MALT1: variants seen among roughly 807,000 people sequenced by gnomAD.
MALT1 encodes MALT1 paracaspase.
Under a neutral mutation model 85.5 loss-of-function variants are expected in MALT1, and 36 were observed. That is an observed-to-expected ratio of 0.42 (90% CI 0.32 to 0.56). MALT1 has a LOEUF of 0.56. Among genes scored for constraint, MALT1 ranks in the 20% least tolerant of loss-of-function variants. MALT1 has a pLI of 0.10. For missense variants in MALT1, 716 were observed against 981.6 expected, an observed-to-expected ratio of 0.73 and a Z score of 3.62; for synonymous variants, 359 against 361.3, an observed-to-expected ratio of 0.99 and a Z score of 0.07.
At chr18:58,707,108 T>G (rs1168538368) in intron 4 of MALT1, among the ~76,000 whole-genome samples, 1 of 152,138 alleles carries the variant, frequency 6.6e-6, no homozygotes, top group Non-Finnish European at 1.5e-5. Flanking sequence ...TTTTTTGGTG[T>G]GACCAGTTTG....
intron 2 of MALT1, among the ~76,000 whole-genome samples, chr18:58,684,131 C>G (rs2144317781): frequency 6.6e-6 from 1 of 152,230 alleles, no homozygotes; most frequent in African/African-American, 2.4e-5. Context: ...CGGGGTTTTG[C>G]CATGTTGCCC....
intron 4 of MALT1, among the ~76,000 whole-genome samples, chr18:58,707,361 C>CTTT (rs199919132): frequency 6.6e-5 from 9 of 136,962 alleles, no homozygotes; most frequent in African/African-American, 2.1e-4. Context: ...TTTTCTTTTT[C>CTTT]TTTTTTTTTT....
At chr18:58,711,394 A>G (rs935457326) in intron 7 of MALT1, among the ~76,000 whole-genome samples, 1 of 152,154 alleles carries the variant, frequency 6.6e-6, no homozygotes, top group Non-Finnish European at 1.5e-5. Flanking sequence ...GTTTCAGGAG[A>G]GGAGATTTAT....
At chr18:58,672,957 C>T (rs1055719319) in intron 1 of MALT1, 2 of 152,244 alleles carry the variant, frequency 1.3e-5, no homozygotes, top group African/African-American at 4.8e-5. Flanking sequence ...AGGAACTGCA[C>T]TAGGGGTTCC....
chr18:58,735,086 A>G, intron 12 of MALT1, 116 bp from the exon 13 acceptor site: 1 of 840,086 alleles, frequency 1.2e-6, no homozygotes, highest in Non-Finnish European at 1.8e-6. Context: ...GCCTCTGGTA[A>G]CCACCATTCT....
chr18:58,723,363 G>A, intron 10 of MALT1, 112 bp downstream of exon 10: 1 of 682,614 alleles, frequency 1.5e-6, no homozygotes, highest in Non-Finnish European at 2.3e-6. Context: ...TTGTTGAATG[G>A]AAGAGTTTTA....
At chr18:58,744,055 A>G (rs540182793) in intron 14 of MALT1, among the ~76,000 whole-genome samples, 61 of 152,318 alleles carry the variant, frequency 4.0e-4, no homozygotes, top group Admixed American at 7.2e-4. Flanking sequence ...TTCTGGTCAT[A>G]TAAATTGAGG....
intron 2 of MALT1, among the ~76,000 whole-genome samples, chr18:58,683,516 T>C (rs557768150): frequency 6.6e-6 from 1 of 152,318 alleles, no homozygotes; most frequent in South Asian, 2.1e-4. Flanking sequence ...GGTTTCGGAA[T>C]TTTTAAGTTT....
chr18:58,713,362 A>G (rs1276755231), intron 7 of MALT1, among the ~76,000 whole-genome samples: 1 of 152,144 alleles, frequency 6.6e-6, no homozygotes, highest in Non-Finnish European at 1.5e-5. Context: ...ATTTCTCCCA[A>G]AAACACCTTA....
In MALT1 at chr18:58,671,867, G is replaced by A; in HGVS notation, c.209+15G>A. Reference sequence around the variant, plus strand: ...CTCCGCCTCAGGTGAGCTCAGGGCCGCGGCAGGCCGGGCGCGCGGGTCGAG... The same window carrying A: ...CTCCGCCTCAGGTGAGCTCAGGGCCACGGCAGGCCGGGCGCGCGGGTCGAG... On this transcript the variant is annotated intron_variant, in intron 1 of 16. Transcript: ENST00000649217. The A allele has an allele frequency of 2.5e-6, 3 of 1,216,484 alleles. No homozygotes were observed. Among genetic ancestry groups the A allele is most frequent in the Non-Finnish European group, 3.1e-6 (3 of 978,058 alleles). 75.4% of individuals were successfully genotyped at this position (1,216,484 alleles called of 1,614,324 possible).
Position 58,683,231 on chromosome 18 carries a change from T to G in MALT1, c.376+1895T>G, listed in dbSNP as rs190267310. 1.8e-4 allele frequency among the ~76,000 whole-genome samples: 28 copies of G among 152,346 alleles called. No homozygotes were observed. The East Asian group carries it at 5.2e-3, about 28-fold the overall frequency. On this transcript the variant is annotated intron_variant, in intron 2 of 16. Transcript: ENST00000649217. ...TAAAGTCTACTTTTGCTTACTTTAC[T>G]AAGTTCTCATACTTTATTGAATACC...
intron 2 of MALT1, among the ~76,000 whole-genome samples, chr18:58,689,480 C>A (rs1292467174): frequency 6.6e-6 from 1 of 152,220 alleles, no homozygotes; most frequent in South Asian, 2.1e-4. Flanking sequence ...TCAACAAACA[C>A]GTGTTGAACA....
At chr18:58,734,191 A>G (rs542101401) in intron 11 of MALT1, 116 bp from the exon 12 acceptor site, 122 of 1,053,186 alleles carry the variant, frequency 1.2e-4, no homozygotes, top group Admixed American at 5.3e-4. Context: ...TTGAATCTAT[A>G]ATTTTAAATT....
intron 1 of MALT1, among the ~76,000 whole-genome samples, chr18:58,676,119 T>TA (rs1176498472): frequency 6.6e-6 from 1 of 152,218 alleles, no homozygotes; most frequent in African/African-American, 2.4e-5. Context: ...ATTATTCCAG[T>TA]AGCCACTTAA....
rs1042851101 is a variant in MALT1 at position 58,753,194 on chromosome 18, ATTTG to A, written c.*5356_*5359del. 2.0e-5 allele frequency: 3 copies of A among 150,736 alleles called. No individual in the cohort carries two copies. Among genetic ancestry groups the A allele is most frequent in the Admixed American group, 1.3e-4 (2 of 15,152 alleles). 9.3% of individuals were successfully genotyped at this position (150,736 alleles called of 1,614,324 possible). A position where few individuals can be genotyped will look rare whatever the true frequency, so the allele number is the denominator to read the frequency against. On this transcript the variant is annotated 3_prime_UTR_variant, in exon 17 of 17. Transcript: ENST00000649217. The stretch of plus-strand genomic sequence containing the variant: ...TAGGCAGTATAGAGTGTTTTTTTTT[ATTTG>A]TTTTTTTGTTGTTGTCTTTTGAGTC...
intron 2 of MALT1, chr18:58,690,262 T>C (rs1343551886): frequency 2.0e-5 from 3 of 152,434 alleles, no homozygotes; most frequent in Non-Finnish European, 2.9e-5. Flanking sequence ...ACTGTGATTG[T>C]TGGTGCCTGG....
chr18:58,702,202 A>C (rs979467351), intron 4 of MALT1, among the ~76,000 whole-genome samples: 3 of 133,662 alleles, frequency 2.2e-5, no homozygotes, highest in Non-Finnish European at 4.7e-5. Context: ...GCAAAACCCT[A>C]TCTCTACAAA....
At chr18:58,673,494 G>A (rs1007209092) in intron 1 of MALT1, among the ~76,000 whole-genome samples, 2 of 150,506 alleles carry the variant, frequency 1.3e-5, no homozygotes, top group Non-Finnish European at 3.0e-5. Flanking sequence ...TTGCTCTTTC[G>A]CCCAGGCTGG....
chr18:58,734,194 T>TTTAAA (rs1201591242), intron 11 of MALT1, 113 bp from the exon 12 acceptor site: 1 of 1,065,322 alleles, frequency 9.4e-7, no homozygotes, highest in African/African-American at 1.6e-5. Flanking sequence ...AATCTATAAT[T>TTTAAA]TTAAATTATG....
Sources: allele counts gnomAD v4.1 joint callset (sites outside exome capture counted in the v4.1 genomes callset), GRCh38; gene constraint gnomAD v4.1.1; transcripts MANE v1.5; gene names NCBI Gene and HGNC (gene_info 2026-07-23, HGNC 2026-07-21).